NCOA1: variants seen among roughly 807,000 people sequenced by gnomAD.
The protein encoded by NCOA1 is Hin-2 protein.
In NCOA1, 35 loss-of-function variants were observed where a neutral mutation model predicts 150.9. That is an observed-to-expected ratio of 0.23 (90% CI 0.18 to 0.31). The LOEUF (loss-of-function observed/expected upper bound fraction) is 0.31. Among genes scored for constraint, NCOA1 ranks in the 10% least tolerant of loss-of-function variants. The pLI is 1.00. For synonymous variants in NCOA1, 590 were observed against 630.0 expected (o/e 0.94, Z 0.95); for missense variants, 1,491 against 1,749.3 (o/e 0.85, Z 2.63).
intron 1 of NCOA1, among the ~76,000 whole-genome samples, chr2:24,553,508 T>C (rs1036882778): frequency 4.6e-5 from 7 of 152,176 alleles, no homozygotes; most frequent in Non-Finnish European, 1.0e-4. Flanking sequence ...GTGAGCCACT[T>C]TGCCCAGCAC....
At chr2:24,641,490 C>G (rs1234905312) in intron 3 of NCOA1, among the ~76,000 whole-genome samples, 1 of 152,056 alleles carries the variant, frequency 6.6e-6, no homozygotes, top group African/African-American at 2.4e-5. Context: ...TATCTAGCAT[C>G]ATCTCCCTTT....
At chr2:24,498,372 G>T (rs1663315023) in intron 1 of NCOA1, among the ~76,000 whole-genome samples, 2 of 152,218 alleles carry the variant, frequency 1.3e-5, no homozygotes, top group South Asian at 4.1e-4. Flanking sequence ...ATTATGACCT[G>T]AGAGAGGTGA....
At chr2:24,678,883 A>C (rs986246269) in intron 7 of NCOA1, among the ~76,000 whole-genome samples, 1 of 152,156 alleles carries the variant, frequency 6.6e-6, no homozygotes, top group Non-Finnish European at 1.5e-5. Flanking sequence ...TCTTGAGTTT[A>C]ATTAGATCCT....
intron 2 of NCOA1, among the ~76,000 whole-genome samples, chr2:24,566,018 T>C (rs972012523): frequency 6.6e-6 from 1 of 152,134 alleles, no homozygotes; most frequent in African/African-American, 2.4e-5. Flanking sequence ...TCTCTCCTCT[T>C]CTCACCCACA....
At chr2:24,616,777 C>A (rs1668888683) in intron 3 of NCOA1, among the ~76,000 whole-genome samples, 1 of 152,056 alleles carries the variant, frequency 6.6e-6, no homozygotes, top group South Asian at 2.1e-4. Flanking sequence ...GAAAGTAGAG[C>A]AGTTAGTGTG....
intron 1 of NCOA1, among the ~76,000 whole-genome samples, chr2:24,519,791 C>T (rs534265438): frequency 1.3e-5 from 2 of 151,726 alleles, no homozygotes; most frequent in Non-Finnish European, 2.9e-5. Flanking sequence ...GCCCCCAAAA[C>T]AGAAAATTTA....
rs1353723183 is a variant in NCOA1, at chr2:24,673,420, A to G, written c.311A>G (p.Gln104Arg). The G allele has an allele frequency of 1.3e-6, 2 of 1,595,262 alleles. No homozygotes were observed. The highest frequency in any genetic ancestry group is 3.5e-5 in the Admixed American group (2 of 57,044). ...VQKSDISSSS[Q>R]GVIEKESLGP... ...AAATCAGACATCTCATCAAGTAGTC[A>G]AGGAGTGATAGAAAAGGAATCCTTG... The change falls in exon 7 of 23, where the codon CAA (glutamine) becomes CGA (arginine). Residue 104 changes from glutamine (Q) to arginine (R), a missense_variant. Around this residue, in one of 8 missense-constraint regions of NCOA1, gnomAD observed 80 missense variants for 163.0 expected, o/e 0.49. Transcript: ENST00000348332.
Position 24,707,669 on chromosome 2 carries a change from A to G in NCOA1, c.2199A>G (p.Leu733=). Residue 733 remains leucine (L), a synonymous_variant, in exon 13 of 23, where the codon CTA becomes CTG. Transcript: ENST00000348332. ...GQVQGNSSIK[L]ELDASKKKES... Reference sequence around the variant, plus strand: ...TACAAGGAAACTCCAGTATAAAACTAGAACTGGATGCTTCAAAGAAAAAAG... The same window carrying G: ...TACAAGGAAACTCCAGTATAAAACTGGAACTGGATGCTTCAAAGAAAAAAG... 6.2e-7 allele frequency: 1 copy of G among 1,614,202 alleles called. No individual in the cohort carries two copies. The highest frequency in any genetic ancestry group is 8.5e-7 in the Non-Finnish European group (1 of 1,180,010).
At chr2:24,764,295 C>G (rs987733710) in intron 22 of NCOA1, among the ~76,000 whole-genome samples, 1 of 152,162 alleles carries the variant, frequency 6.6e-6, no homozygotes, top group Admixed American at 6.5e-5. Flanking sequence ...TTAGGGACTG[C>G]TGAAAGATAA....
At chr2:24,631,693 A>AT (rs1054882707) in intron 3 of NCOA1, among the ~76,000 whole-genome samples, 6 of 151,990 alleles carry the variant, frequency 3.9e-5, no homozygotes, top group African/African-American at 9.7e-5. Flanking sequence ...TGGAAGATGG[A>AT]TTTTTTTTCC....
chr2:24,737,582 G>T (rs1663383694), intron 17 of NCOA1, among the ~76,000 whole-genome samples: 1 of 151,978 alleles, frequency 6.6e-6, no homozygotes, highest in Non-Finnish European at 1.5e-5. Flanking sequence ...TTTACTTGCT[G>T]TTCCCTCTGC....
intron 3 of NCOA1, among the ~76,000 whole-genome samples, chr2:24,610,694 T>A (rs2148383260): frequency 6.6e-6 from 1 of 151,880 alleles, no homozygotes; most frequent in Non-Finnish European, 1.5e-5. Context: ...ATATCTGAAA[T>A]TTTACAACAA....
chr2:24,647,246 T>G (rs930302357), intron 4 of NCOA1, among the ~76,000 whole-genome samples: 1 of 152,166 alleles, frequency 6.6e-6, no homozygotes, highest in South Asian at 2.1e-4. Context: ...GGTTTTCTAT[T>G]TATTAGTTAT....
rs1299056628 is a variant in NCOA1 at position 24,705,117 on chromosome 2, C to T, written c.981C>T (p.Ser327=). 1 of 1,614,056 alleles carries T rather than the reference C, an allele frequency of 6.2e-7. No homozygotes were observed. Among genetic ancestry groups the T allele is most frequent in the South Asian group, 1.1e-5 (1 of 91,072 alleles). The part of the protein sequence containing the change: ...VMTRGTASSP[S]YRFILNDGTM... ...CTCGTGGCACTGCCTCCAGCCCCTCCTATAGATTCATATTGAATGATGGGA... is the reference window on the plus strand; with the variant it reads ...CTCGTGGCACTGCCTCCAGCCCCTCTTATAGATTCATATTGAATGATGGGA... Residue 327 remains serine, a synonymous_variant, in exon 12 of 23, where the codon TCC becomes TCT. Coordinates refer to ENST00000348332, the MANE Select transcript of NCOA1 (RefSeq NM_003743.5).
chr2:24,501,716 G>T (rs1011595477), intron 1 of NCOA1, among the ~76,000 whole-genome samples: 1 of 152,150 alleles, frequency 6.6e-6, no homozygotes, highest in African/African-American at 2.4e-5. Flanking sequence ...AGAGCCCCTA[G>T]ATAGGCTTTA....
intron 1 of NCOA1, among the ~76,000 whole-genome samples, chr2:24,552,717 A>ATC (rs1443225645): frequency 6.6e-6 from 1 of 151,848 alleles, no homozygotes; most frequent in Non-Finnish European, 1.5e-5. Flanking sequence ...GTTATATTCT[A>ATC]TCTCTTTTTA....
chr2:24,698,993 A>T (rs1431700061), intron 11 of NCOA1, among the ~76,000 whole-genome samples: 1 of 152,158 alleles, frequency 6.6e-6, no homozygotes, highest in African/African-American at 2.4e-5. Flanking sequence ...CCACCTCCTA[A>T]GATTGTATTT....
chr2:24,619,862 A>T (rs1669045453), intron 3 of NCOA1, among the ~76,000 whole-genome samples: 1 of 152,170 alleles, frequency 6.6e-6, no homozygotes, highest in Non-Finnish European at 1.5e-5. Context: ...TTATTCCTAA[A>T]GGGTTTTTTG....
chr2:24,707,209 C>A lies in NCOA1; in HGVS notation c.1739C>A (p.Ala580Asp). The A allele has an allele frequency of 1.5e-5, 25 of 1,614,180 alleles. No homozygotes were observed. The highest frequency in any genetic ancestry group is 1.9e-5 in the Non-Finnish European group (23 of 1,180,036). Residue 580 changes from alanine to aspartate, a missense_variant, in exon 13 of 23, where the codon GCT becomes GAT. Transcript: ENST00000348332. ...AGATTAAATATACAACCAGCAAAAG[C>A]TGAGTCCAAAGATAACAAAGAGATT... ...PSRLNIQPAK[A>D]ESKDNKEIAS...
Sources: gnomAD v4.1 joint callset for allele counts (sites outside exome capture counted in the v4.1 genomes callset) on GRCh38, gnomAD v4.1.1 for gene constraint, gnomAD v4.1.1 regional missense constraint, MANE v1.5 for transcripts, NCBI Gene and HGNC (gene_info 2026-07-23, HGNC 2026-07-21) for gene names.